C10orf143: variants seen among roughly 807,000 people sequenced by gnomAD.
C10orf143 encodes the protein chromosome 10 open reading frame 143, also known as uncharacterized protein C10orf143.
chr10:130,106,133 A>G, intron 1 of C10orf143: 1 of 721,918 alleles, frequency 1.4e-6, no homozygotes, highest in South Asian at 1.4e-5. Context: ...GCCTGAAAGT[A>G]TGAGACTGGA....
chr10:130,074,309 C>T (rs1861079740), intron 3 of C10orf143, among the ~76,000 whole-genome samples: 1 of 152,260 alleles, frequency 6.6e-6, no homozygotes, highest in Admixed American at 6.5e-5. Context: ...CTCCAGGATC[C>T]TTGACAAACC....
intron 1 of C10orf143, chr10:130,106,822 T>A (rs772763886): frequency 8.4e-7 from 1 of 1,191,200 alleles, no homozygotes; most frequent in Non-Finnish European, 1.3e-6. Flanking sequence ...TTCTAAATGA[T>A]AAAGAAAATC....
rs534128440 is a variant in C10orf143, at chr10:130,064,700, A to T, written c.298-317T>A. Among the ~76,000 whole-genome samples, 145 of 152,344 alleles carry T rather than the reference A, an allele frequency of 9.5e-4. 2 individuals are homozygous for T. Among genetic ancestry groups the T allele is most frequent in the Middle Eastern group, 6.8e-3 (2 of 292 alleles). ...TCATATATTCATAAAATAAATTTTT[A>T]AAAAAATGTCTAAATATTGAATCAG... On this transcript the variant is annotated intron_variant, in intron 3 of 3. Transcript: ENST00000637128.
chr10:130,103,662 T>C (rs575216543), intron 1 of C10orf143, among the ~76,000 whole-genome samples: 2 of 151,846 alleles, frequency 1.3e-5, no homozygotes, highest in Non-Finnish European at 2.9e-5. Flanking sequence ...TTTAAAAAAT[T>C]AGCTGGGCGT....
At chr10:130,057,028 C>T (rs1012788455) in intron 3 of C10orf143, among the ~76,000 whole-genome samples, 17 of 151,368 alleles carry the variant, frequency 1.1e-4, no homozygotes, top group African/African-American at 3.9e-4. Flanking sequence ...GCTGAAAGTA[C>T]AGGCATATGC....
At chr10:130,095,744 A>G (rs1416870564) in intron 1 of C10orf143, among the ~76,000 whole-genome samples, 1 of 152,208 alleles carries the variant, frequency 6.6e-6, no homozygotes, top group Non-Finnish European at 1.5e-5. Context: ...AGCCATATGC[A>G]GAAAACTGAA....
intron 3 of C10orf143, among the ~76,000 whole-genome samples, chr10:130,053,400 A>G (rs1159638360): frequency 1.3e-5 from 2 of 152,156 alleles, no homozygotes; most frequent in African/African-American, 4.8e-5. Flanking sequence ...ACTGATGGAG[A>G]GCTTGAAAGA....
At chr10:130,041,716 C>T (rs149691999) in intron 3 of C10orf143, among the ~76,000 whole-genome samples, 26 of 152,240 alleles carry the variant, frequency 1.7e-4, no homozygotes, top group Admixed American at 1.4e-3. Context: ...TGATGAGTTC[C>T]ATCTGTGCTG....
chr10:130,061,672 A>C (rs189619562), downstream of C10orf143, among the ~76,000 whole-genome samples: 111 of 152,322 alleles, frequency 7.3e-4, no homozygotes, highest in Middle Eastern at 3.4e-3. Flanking sequence ...TCCTCTTTTG[A>C]CAAGAATACA....
At chr10:130,042,792 A>G (rs968984378) in intron 3 of C10orf143, among the ~76,000 whole-genome samples, 1 of 152,252 alleles carries the variant, frequency 6.6e-6, no homozygotes, top group Non-Finnish European at 1.5e-5. Context: ...AAGTAGGGAA[A>G]GCAACGCTTG....
At chr10:130,048,714 C>T (rs1860704784) in intron 3 of C10orf143, among the ~76,000 whole-genome samples, 1 of 152,122 alleles carries the variant, frequency 6.6e-6, no homozygotes, top group Non-Finnish European at 1.5e-5. Context: ...GAGACATCTT[C>T]TTTTTAAGAG....
chr10:130,046,760 C>A (rs1268593730), intron 3 of C10orf143, among the ~76,000 whole-genome samples: 1 of 152,206 alleles, frequency 6.6e-6, no homozygotes, highest in East Asian at 1.9e-4. Flanking sequence ...CTCGCCCACG[C>A]CGCCCGCTCA....
At chr10:130,039,518 T>C (rs1297766580) in intron 3 of C10orf143, among the ~76,000 whole-genome samples, 1 of 152,138 alleles carries the variant, frequency 6.6e-6, no homozygotes, top group African/African-American at 2.4e-5. Context: ...CTCGATGAGG[T>C]GGATGCTGCC....
At chr10:130,066,246 G>A (rs941866440) in intron 3 of C10orf143, 1 of 145,226 alleles carries the variant, frequency 6.9e-6, no homozygotes, top group African/African-American at 2.6e-5. Context: ...GGAGTGCAGT[G>A]TCACAATGAT....
At chr10:130,107,692 T>C in intron 1 of C10orf143, 1 of 1,275,962 alleles carries the variant, frequency 7.8e-7, no homozygotes, top group Non-Finnish European at 1.1e-6. Context: ...CACCTTTGCC[T>C]CCAGGGGGGG....
At position 130,043,198 on chromosome 10, in the gene C10orf143, G is replaced by A. The variant is rs150216176; in HGVS notation, c.298-7228C>T. On this transcript the variant is annotated intron_variant and NMD_transcript_variant, in intron 3 of 5. Coordinates refer to the C10orf143 transcript ENST00000643056. ...TGCTGCCGTAAGTCTCAAGGTTACC[G>A]CAGGGAATGCTTCATAACCTAAGTG... Among the ~76,000 whole-genome samples, 299 of 152,282 alleles carry A rather than the reference G, an allele frequency of 2.0e-3. 1 individual carries two copies. The highest frequency in any genetic ancestry group is 3.0e-3 in the Non-Finnish European group (203 of 68,018).
At chr10:130,044,920 G>A (rs1354846963) in intron 3 of C10orf143, among the ~76,000 whole-genome samples, 1 of 152,154 alleles carries the variant, frequency 6.6e-6, no homozygotes, top group East Asian at 1.9e-4. Context: ...TTGCAAGCAG[G>A]GTCCTTACTC....
chr10:130,043,892 G>A (rs1415380247), intron 3 of C10orf143, among the ~76,000 whole-genome samples: 1 of 152,194 alleles, frequency 6.6e-6, no homozygotes, highest in African/African-American at 2.4e-5. Flanking sequence ...TCGTCATGAT[G>A]GGAGGCTTTT....
chr10:130,059,682 A>T (rs1860833416), downstream of C10orf143, among the ~76,000 whole-genome samples: 2 of 152,196 alleles, frequency 1.3e-5, no homozygotes, highest in South Asian at 4.1e-4. Context: ...GGGAGATATA[A>T]TTAGCGAAAT....
Sources: gnomAD v4.1 joint callset for allele counts (sites outside exome capture counted in the v4.1 genomes callset) on GRCh38, gnomAD v4.1.1 for gene constraint, MANE v1.5 for transcripts, NCBI Gene and HGNC (gene_info 2026-07-23, HGNC 2026-07-21) for gene names.